The following SMG1 variants were observed in gnomAD, a reference collection of about 807,000 sequenced individuals.
SMG1 encodes the protein SMG1 nonsense mediated mRNA decay associated PI3K related kinase.
A neutral mutation model predicts 419.9 loss-of-function variants in SMG1; 22 were observed. The ratio of observed to expected loss-of-function variants is 0.05; its 90% CI spans 0.04 to 0.07. SMG1 has a LOEUF of 0.07. SMG1 is among the 10% of genes least tolerant of loss of function. SMG1 has a pLI of 1.00. For missense variants in SMG1, 3,185 were observed against 4,342.0 expected (o/e 0.73, Z 7.49); for synonymous variants, 1,538 against 1,553.5 (o/e 0.99, Z 0.23).
intron 19 of SMG1, 103 bp downstream of exon 19, chr16:18,869,751 A>C: frequency 4.3e-6 from 4 of 926,642 alleles, no homozygotes; most frequent in Non-Finnish European, 6.7e-6. Context: ...GTTACTTGAT[A>C]CTCTGCCACC....
chr16:18,843,225 C>G (rs1422434179), intron 39 of SMG1, among the ~76,000 whole-genome samples: 3 of 152,160 alleles, frequency 2.0e-5, no homozygotes, highest in Admixed American at 2.0e-4. Flanking sequence ...AAAAATGAGG[C>G]TCAATCTACT....
In SMG1 at chr16:18,835,975, A is replaced by C; in HGVS notation, c.8015T>G (p.Ile2672Ser). ...ACAACGCTCTACTGTGGTGTTACAG[A>C]TGAGCTCTTCCATCCAGGTCTTCCA... ...EQWKTWMEELICNTTVERCQE... is the reference protein window; with the variant it reads ...EQWKTWMEELSCNTTVERCQE... Residue 2672 changes from isoleucine (I) to serine (S), a missense_variant, in exon 48 of 63, where the codon ATC (isoleucine) becomes AGC (serine). By Grantham distance (142) the Ile-to-Ser change is moderately radical. Transcript: ENST00000446231. 1 of 1,553,902 alleles carries C rather than the reference A, an allele frequency of 6.4e-7. No homozygotes were observed. Among genetic ancestry groups the C allele is most frequent in the Non-Finnish European group, 8.7e-7 (1 of 1,147,924 alleles).
intron 9 of SMG1, among the ~76,000 whole-genome samples, 149 bp downstream of exon 9, chr16:18,883,918 CAAA>C (rs66595727): frequency 3.1e-5 from 3 of 96,902 alleles, no homozygotes; most frequent in Admixed American, 1.1e-4. Context: ...GACTCCATCT[CAAA>C]AAAAAAAAAA....
At chr16:18,877,290 A>C in intron 11 of SMG1, 58 bp from the exon 12 acceptor site, 2 of 1,261,208 alleles carry the variant, frequency 1.6e-6, no homozygotes, top group East Asian at 5.2e-5. Context: ...GACATGGAGA[A>C]ACCTTAAATG....
intron 1 of SMG1, among the ~76,000 whole-genome samples, chr16:18,918,560 TTTG>T (rs1737375892): frequency 6.6e-6 from 1 of 152,194 alleles, no homozygotes; most frequent in Admixed American, 6.5e-5. Flanking sequence ...GGTTTTTGTT[TTTG>T]TTTTTGAGAC....
intron 10 of SMG1, among the ~76,000 whole-genome samples, chr16:18,880,721 A>ATGG (rs760136125): frequency 1.6e-5 from 1 of 63,922 alleles, no homozygotes; most frequent in African/African-American, 6.3e-5. Flanking sequence ...CAAAAAAAAA[A>ATGG]GGGGGGGGGC....
At chr16:18,819,029 C>G (rs2606549) in intron 56 of SMG1, among the ~76,000 whole-genome samples, 74,918 of 151,906 alleles carry the variant, frequency 0.49, 18,854 homozygotes, top group Middle Eastern at 0.59. Flanking sequence ...ATATTGGTCA[C>G]GCTGGTCTTG....
chr16:18,900,595 T>G (rs2141879072), intron 1 of SMG1, among the ~76,000 whole-genome samples: 1 of 152,318 alleles, frequency 6.6e-6, no homozygotes, highest in Middle Eastern at 3.4e-3. Context: ...CCATACCTAG[T>G]GGTGTCACTG....
In SMG1 at chr16:18,848,053, C is replaced by G. The variant is rs771978299; in HGVS notation, c.5624-20G>C. 1.3e-6 allele frequency: 2 copies of G among 1,589,848 alleles called. No individual in the cohort carries two copies. Among genetic ancestry groups the G allele is most frequent in the Non-Finnish European group, 1.7e-6 (2 of 1,158,886 alleles). ...TATTTCCTGTAATGAAATAGGAGAA[C>G]AAGGAATATTTTGAACATTTCTCCC... On this transcript the variant is annotated intron_variant, in intron 36 of 62. Transcript: ENST00000446231.
chr16:18,918,629 A>C (rs988134171), intron 1 of SMG1, among the ~76,000 whole-genome samples: 2 of 152,224 alleles, frequency 1.3e-5, no homozygotes, highest in African/African-American at 4.8e-5. Flanking sequence ...GCTCACTGCA[A>C]CCTTCACCTC....
At chr16:18,882,115 TA>T (rs1410569554) in intron 10 of SMG1, 49 bp downstream of exon 10, 1 of 1,367,668 alleles carries the variant, frequency 7.3e-7, no homozygotes, top group Non-Finnish European at 9.8e-7. Flanking sequence ...ATTTACAGTG[TA>T]AAACAATTTT....
chr16:18,886,554 A>G (rs887936536), intron 6 of SMG1, among the ~76,000 whole-genome samples: 23 of 152,160 alleles, frequency 1.5e-4, no homozygotes, highest in African/African-American at 4.8e-4. Context: ...TGTAACCCCA[A>G]CACTTTGGGA....
At chr16:18,835,619 C>A (rs935029016) in intron 48 of SMG1, among the ~76,000 whole-genome samples, 2 of 152,120 alleles carry the variant, frequency 1.3e-5, no homozygotes, top group Admixed American at 1.3e-4. Flanking sequence ...ATAAGAAATA[C>A]AATTGGCCAG....
intron 1 of SMG1, among the ~76,000 whole-genome samples, chr16:18,905,243 A>G (rs1385930742): frequency 6.6e-6 from 1 of 152,238 alleles, no homozygotes; most frequent in Non-Finnish European, 1.5e-5. Flanking sequence ...ACCAGGCAAC[A>G]GTGTGAGACT....
At chr16:18,863,018 T>A (rs367705356) in intron 25 of SMG1, among the ~76,000 whole-genome samples, 8 of 152,252 alleles carry the variant, frequency 5.3e-5, no homozygotes, top group African/African-American at 1.9e-4. Context: ...TCTATCAATA[T>A]TCTTTATCTA....
chr16:18,820,392 C>T (rs191298408), intron 55 of SMG1, among the ~76,000 whole-genome samples: 156 of 151,914 alleles, frequency 1.0e-3, no homozygotes, highest in Middle Eastern at 0.01. Flanking sequence ...TCTGTAGAGA[C>T]GAGGTTTTAC....
chr16:18,919,962 G>C (rs1310524915), intron 1 of SMG1, among the ~76,000 whole-genome samples: 2 of 151,470 alleles, frequency 1.3e-5, no homozygotes, highest in African/African-American at 4.9e-5. Context: ...CTGGTGACAT[G>C]CACCTGTAGT....
Position 18,881,082 on chromosome 16 carries a change from C to T in SMG1, c.1293+1083G>A, listed in dbSNP as rs569306260. Among the ~76,000 whole-genome samples the T allele has an allele frequency of 1.1e-4, 16 of 150,480 alleles. No individual in the cohort carries two copies. In the South Asian group the frequency reaches 3.3e-3, roughly 31 times the overall value. On this transcript the variant is annotated intron_variant, in intron 10 of 62. Transcript: ENST00000446231. ...ACAGTGAGCTATGATTGCTCTACTA[C>T]ACTCCAGCCTGGGTGACAGAGTGAG...
rs114609603 is a variant in SMG1 at position 18,921,342 on chromosome 16, T to C, written c.92+4608A>G. ...GCCTGGACAACAGAGCAAGAGCATATCTCAAAACAGAGGAAAGAAAAGAAA... is the reference window on the plus strand; with the variant it reads ...GCCTGGACAACAGAGCAAGAGCATACCTCAAAACAGAGGAAAGAAAAGAAA... On this transcript the variant is annotated intron_variant, in intron 1 of 62. Transcript: ENST00000446231. Among the ~76,000 whole-genome samples the C allele has an allele frequency of 3.8e-3, 580 of 152,014 alleles. 4 individuals carry two copies. Among genetic ancestry groups the C allele is most frequent in the African/African-American group, 0.013 (549 of 41,370 alleles).
Sources: gnomAD v4.1 joint callset for allele counts (sites outside exome capture counted in the v4.1 genomes callset) on GRCh38, gnomAD v4.1.1 for gene constraint, MANE v1.5 for transcripts, NCBI Gene and HGNC (gene_info 2026-07-23, HGNC 2026-07-21) for gene names.